SAMD5: variants seen among roughly 807,000 people sequenced by gnomAD.
The protein encoded by SAMD5 is sterile alpha motif domain containing 5.
Under a neutral mutation model 11.3 loss-of-function variants are expected in SAMD5, and 13 were observed. The observed-to-expected ratio is 1.15, with a 90% CI of 0.75 to 1.83. The LOEUF (loss-of-function observed/expected upper bound fraction) is 1.83, where lower values mean the gene tolerates loss of function less well. SAMD5 is among the 40% of genes most tolerant of loss of function. SAMD5 has a pLI of 0.00. For missense variants in SAMD5, 255 were observed against 239.1 expected (o/e 1.07, Z -0.44); for synonymous variants, 129 against 111.3 (o/e 1.16, Z -1.00).
intron 1 of SAMD5, among the ~76,000 whole-genome samples, chr6:147,699,733 G>A (rs562443200): frequency 3.3e-5 from 5 of 152,252 alleles, no homozygotes; most frequent in Admixed American, 2.6e-4. Flanking sequence ...TTGTTAGCTA[G>A]TTATTAACCA....
chr6:147,850,633 G>T, the SAMD5 span, among the ~76,000 whole-genome samples: 3 of 151,954 alleles, frequency 2.0e-5, no homozygotes, highest in Admixed American at 6.5e-5. Flanking sequence ...TGCTTTCCTA[G>T]GATTCAGTTA....
the SAMD5 span, among the ~76,000 whole-genome samples, chr6:147,781,124 A>T: frequency 6.7e-6 from 1 of 150,032 alleles, no homozygotes; most frequent in South Asian, 2.1e-4. Flanking sequence ...TCTGCCTCAA[A>T]TTTTTGTTTC....
intron 1 of SAMD5, among the ~76,000 whole-genome samples, chr6:147,650,117 T>A (rs535282007): frequency 5.3e-5 from 8 of 152,322 alleles, no homozygotes; most frequent in African/African-American, 1.7e-4. Context: ...TTAGACCCTT[T>A]ACCATACACG....
chr6:147,674,971 G>A (rs1201016802), intron 1 of SAMD5, among the ~76,000 whole-genome samples: 1 of 152,136 alleles, frequency 6.6e-6, no homozygotes, highest in Non-Finnish European at 1.5e-5. Context: ...CTTGCCCATG[G>A]CAGACATCAA....
chr6:147,769,369 G>T, the SAMD5 span, among the ~76,000 whole-genome samples: 10 of 151,358 alleles, frequency 6.6e-5, no homozygotes, highest in East Asian at 1.9e-3. Flanking sequence ...CTTTCTTTTT[G>T]TGTATACACC....
At position 147,718,803 on chromosome 6, in the gene SAMD5, G is replaced by A. The variant is rs149572742; in HGVS notation, c.163-18514G>A. Among the ~76,000 whole-genome samples, 1,039 of 152,056 alleles carry A rather than the reference G, an allele frequency of 6.8e-3. 18 individuals are homozygous for A. The highest frequency in any genetic ancestry group is 0.024 in the African/African-American group (981 of 41,468). On this transcript the variant is annotated intron_variant, in intron 1 of 1. Coordinates refer to the SAMD5 transcript ENST00000566741. ...CCTCCCAGGTTCAAGTGATTCTCAC[G>A]CCTCAGCCTCCCAAGTAGCTGAGAC... is the stretch of plus-strand genomic sequence containing the variant.
At chr6:147,873,891 T>A in the SAMD5 span, among the ~76,000 whole-genome samples, 3 of 152,212 alleles carry the variant, frequency 2.0e-5, no homozygotes, top group African/African-American at 7.2e-5. Context: ...TATTTTATGA[T>A]GCATCACCAA....
intron 1 of SAMD5, among the ~76,000 whole-genome samples, chr6:147,629,468 G>C (rs907835312): frequency 2.0e-5 from 3 of 152,130 alleles, no homozygotes; most frequent in African/African-American, 4.8e-5. Flanking sequence ...CCCATATTTA[G>C]ATTCATAAAA....
At chr6:147,760,213 G>T in the SAMD5 span, among the ~76,000 whole-genome samples, 3,896 of 152,180 alleles carry the variant, frequency 0.026, 84 homozygotes, top group Non-Finnish European at 0.037. Context: ...GATGAAAATG[G>T]TGCCTCATTT....
At chr6:147,891,991 G>A in the SAMD5 span, among the ~76,000 whole-genome samples, 2 of 152,158 alleles carry the variant, frequency 1.3e-5, no homozygotes, top group African/African-American at 4.8e-5. Context: ...GCCCTCTCCA[G>A]TGAGGAGGGT....
intron 1 of SAMD5, among the ~76,000 whole-genome samples, chr6:147,616,096 A>G (rs955659816): frequency 4.0e-5 from 6 of 151,384 alleles, no homozygotes; most frequent in African/African-American, 1.2e-4. Context: ...CCCTGTGAGG[A>G]CTGAGTGATA....
chr6:147,796,132 G>A, the SAMD5 span, among the ~76,000 whole-genome samples: 2 of 149,594 alleles, frequency 1.3e-5, no homozygotes, highest in African/African-American at 5.1e-5. Context: ...TAGACATGAA[G>A]TCCTTGCCCG....
chr6:147,783,915 TCTC>T, the SAMD5 span, among the ~76,000 whole-genome samples: 19 of 152,268 alleles, frequency 1.2e-4, no homozygotes, highest in South Asian at 3.9e-3. Flanking sequence ...GAAATAAAAT[TCTC>T]CTTCGAGTCT....
At position 147,566,594 on chromosome 6, in the gene SAMD5, A is replaced by G. The variant is rs117210155; in HGVS notation, c.*2138A>G. ...TTGGTCATTTCAAGTTTTATTTTCT[A>G]TTAGAGTAATATCTAACTTCAATTA... On this transcript the variant is annotated 3_prime_UTR_variant, in exon 2 of 2. Coordinates refer to ENST00000367474, the MANE Select transcript of SAMD5 (RefSeq NM_001030060.3). 2.1e-4 allele frequency: 208 copies of G among 979,766 alleles called. 2 individuals carry two copies. The East Asian group carries it at 0.02, about 92-fold the overall frequency. 60.7% of individuals were successfully genotyped at this position (979,766 alleles called of 1,614,324 possible).
rs73787372 is a variant in SAMD5 at position 147,681,481 on chromosome 6, A to G, written c.163-55836A>G. Among the ~76,000 whole-genome samples the G allele has an allele frequency of 7.3e-3, 1,108 of 152,052 alleles. 21 individuals carry two copies. The highest frequency in any genetic ancestry group is 0.025 in the African/African-American group (1,056 of 41,462). On this transcript the variant is annotated intron_variant, in intron 1 of 1. Transcript: ENST00000566741. ...AATATAGTTATAGTAACTCTTTTTA[A>G]TGTCTTTGTCAGCTAATTCTATAAT... is the stretch of plus-strand genomic sequence containing the variant.
the SAMD5 span, among the ~76,000 whole-genome samples, chr6:147,819,545 G>T: frequency 6.6e-6 from 1 of 152,208 alleles, no homozygotes; most frequent in Admixed American, 6.5e-5. Context: ...AGACAAAATT[G>T]TAGAAATAGA....
At chr6:147,620,329 A>T (rs1789940564) in intron 1 of SAMD5, among the ~76,000 whole-genome samples, 1 of 151,900 alleles carries the variant, frequency 6.6e-6, no homozygotes, top group Admixed American at 6.6e-5. Flanking sequence ...CCCCAGCCTT[A>T]CTCCCGTACG....
At chr6:147,591,664 C>T (rs17077030) in intron 1 of SAMD5, among the ~76,000 whole-genome samples, 2 of 152,072 alleles carry the variant, frequency 1.3e-5, no homozygotes, top group African/African-American at 4.8e-5. Flanking sequence ...AAAGGCTGTT[C>T]AGTTTTCCAT....
the SAMD5 span, among the ~76,000 whole-genome samples, chr6:147,924,128 G>A: frequency 1.3e-5 from 2 of 152,110 alleles, no homozygotes; most frequent in Non-Finnish European, 2.9e-5. Flanking sequence ...TATATATGGG[G>A]ATGGGGTGGG....
Sources: allele counts gnomAD v4.1 joint callset (sites outside exome capture counted in the v4.1 genomes callset), GRCh38; gene constraint gnomAD v4.1.1; transcripts MANE v1.5; gene names NCBI Gene and HGNC (gene_info 2026-07-23, HGNC 2026-07-21).